The following CAST variants were observed in gnomAD, a reference collection of about 807,000 sequenced individuals.
The protein encoded by CAST is calpastatin, also known as MIR583 host.
Under a neutral mutation model 119.6 loss-of-function variants are expected in CAST, and 76 were observed. The ratio of observed to expected loss-of-function variants is 0.64; its 90% CI spans 0.53 to 0.77. CAST has a LOEUF of 0.77. CAST is among the 30% of genes least tolerant of loss of function. CAST has a pLI of 0.00. For synonymous variants in CAST, 319 were observed against 331.6 expected, an observed-to-expected ratio of 0.96 and a Z score of 0.41; for missense variants, 953 against 946.5, an observed-to-expected ratio of 1.01 and a Z score of -0.09.
chr5:96,770,663 C>A, intron 30 of CAST, 61 bp downstream of exon 30: 1 of 1,090,492 alleles, frequency 9.2e-7, no homozygotes, highest in South Asian at 1.3e-5. Context: ...TAGGGTTTAT[C>A]ATTTCAGTCA....
At chr5:96,242,903 T>C in the CAST span, among the ~76,000 whole-genome samples, 1 of 152,252 alleles carries the variant, frequency 6.6e-6, no homozygotes, top group Non-Finnish European at 1.5e-5. Context: ...ATGTGACTTT[T>C]GTATTATTCT....
intron 29 of CAST, chr5:96,770,297 T>G: frequency 2.0e-6 from 1 of 492,992 alleles, no homozygotes; most frequent in Non-Finnish European, 3.7e-6. Context: ...CCACGGGAAT[T>G]AGAGCATCAA....
At chr5:96,053,967 T>C in the CAST span, among the ~76,000 whole-genome samples, 1 of 152,164 alleles carries the variant, frequency 6.6e-6, no homozygotes, top group Admixed American at 6.5e-5. Flanking sequence ...AAGGGGATCA[T>C]AGTGCCTCTT....
At chr5:96,553,848 G>C (rs1225788031) in intron 1 of CAST, among the ~76,000 whole-genome samples, 2 of 152,112 alleles carry the variant, frequency 1.3e-5, no homozygotes, top group Non-Finnish European at 2.9e-5. Context: ...AACTTACAAG[G>C]GATGTGAAGG....
At chr5:96,718,795 A>G (rs1205021136) in intron 3 of CAST, among the ~76,000 whole-genome samples, 1 of 152,150 alleles carries the variant, frequency 6.6e-6, no homozygotes, top group African/African-American at 2.4e-5. Context: ...TGTGAAGGGC[A>G]AGTAGTGTTG....
the CAST span, among the ~76,000 whole-genome samples, chr5:95,981,381 G>A: frequency 1.3e-5 from 2 of 152,070 alleles, no homozygotes; most frequent in Non-Finnish European, 1.5e-5. Context: ...TTTTTGTTTT[G>A]TGGCAGGATG....
At chr5:96,713,473 A>ATAT (rs1756599318) in intron 3 of CAST, among the ~76,000 whole-genome samples, 1 of 152,058 alleles carries the variant, frequency 6.6e-6, no homozygotes, top group Non-Finnish European at 1.5e-5. Context: ...ATCAATAACC[A>ATAT]TATATGCTTT....
the CAST span, among the ~76,000 whole-genome samples, chr5:96,497,583 G>A: frequency 6.6e-5 from 10 of 152,064 alleles, no homozygotes; most frequent in African/African-American, 2.4e-4. Flanking sequence ...TCTCATTGTG[G>A]TTTTGATTTG....
At chr5:96,005,519 A>G in the CAST span, among the ~76,000 whole-genome samples, 2 of 152,234 alleles carry the variant, frequency 1.3e-5, no homozygotes, top group African/African-American at 4.8e-5. Flanking sequence ...AGTAACTAGA[A>G]GAAATAGTTA....
At chr5:96,246,740 A>G in the CAST span, among the ~76,000 whole-genome samples, 2 of 152,282 alleles carry the variant, frequency 1.3e-5, no homozygotes, top group Non-Finnish European at 2.9e-5. Context: ...TGAATTTGAC[A>G]TATTTCACCC....
At chr5:96,586,750 TA>T (rs1746868559) in intron 1 of CAST, among the ~76,000 whole-genome samples, 1 of 152,212 alleles carries the variant, frequency 6.6e-6, no homozygotes, top group African/African-American at 2.4e-5. Flanking sequence ...AGTTCCAGTA[TA>T]AATTACATAC....
the CAST span, among the ~76,000 whole-genome samples, chr5:96,260,744 A>G: frequency 6.6e-6 from 1 of 152,332 alleles, no homozygotes; most frequent in South Asian, 2.1e-4. Context: ...GGCAATTAAG[A>G]TAAAAGGCAA....
chr5:96,244,253 A>G, the CAST span, among the ~76,000 whole-genome samples: 2 of 152,224 alleles, frequency 1.3e-5, no homozygotes, highest in African/African-American at 4.8e-5. Flanking sequence ...GAGATCCAAT[A>G]ATTTTGATAA....
chr5:96,214,393 TC>T, the CAST span, among the ~76,000 whole-genome samples: 8 of 152,156 alleles, frequency 5.3e-5, no homozygotes, highest in Admixed American at 5.2e-4. Context: ...AAAATTTAGC[TC>T]TGGAAACTTT....
the CAST span, among the ~76,000 whole-genome samples, chr5:96,295,596 A>G: frequency 2.6e-5 from 4 of 152,362 alleles, no homozygotes; most frequent in Non-Finnish European, 5.9e-5. Flanking sequence ...TTAGTCTAGG[A>G]AACCAAAATA....
the CAST span, among the ~76,000 whole-genome samples, chr5:96,049,503 A>G: frequency 6.6e-6 from 1 of 152,204 alleles, no homozygotes; most frequent in East Asian, 1.9e-4. Context: ...AAAGAGGTAG[A>G]TTGTACAAGC....
chr5:96,413,838 G>A, the CAST span, among the ~76,000 whole-genome samples: 4 of 145,850 alleles, frequency 2.7e-5, no homozygotes, highest in African/African-American at 5.1e-5. Context: ...AAAAAAAATC[G>A]GCCAGGTGCG....
At chr5:96,304,690 C>T in the CAST span, among the ~76,000 whole-genome samples, 1 of 152,170 alleles carries the variant, frequency 6.6e-6, no homozygotes, top group African/African-American at 2.4e-5. Flanking sequence ...TTCCGAAGAC[C>T]ATTCATGAAA....
chr5:96,281,547 C>T, the CAST span, among the ~76,000 whole-genome samples: 1 of 152,256 alleles, frequency 6.6e-6, no homozygotes, highest in Non-Finnish European at 1.5e-5. Context: ...AAGCAATTCA[C>T]GGCAAGTAAG....
Sources: gnomAD v4.1 joint callset for allele counts (sites outside exome capture counted in the v4.1 genomes callset) on GRCh38, gnomAD v4.1.1 for gene constraint, MANE v1.5 for transcripts, NCBI Gene and HGNC (gene_info 2026-07-23, HGNC 2026-07-21) for gene names.